PDE11A: variants seen among roughly 807,000 people sequenced by gnomAD.
The protein encoded by PDE11A is phosphodiesterase 11A.
Under a neutral mutation model 100.5 loss-of-function variants are expected in PDE11A, and 100 were observed. That is an observed-to-expected ratio of 1.00 (90% CI 0.85 to 1.18). The LOEUF is 1.18. Among genes scored for constraint, PDE11A ranks in the 50% most tolerant of loss-of-function variants. The pLI, the probability that PDE11A is intolerant of heterozygous loss-of-function variation, is 0.00. For synonymous variants in PDE11A, 381 were observed against 420.8 expected (o/e 0.91, Z 1.16); for missense variants, 1,141 against 1,152.6 (o/e 0.99, Z 0.15).
intron 13 of PDE11A, among the ~76,000 whole-genome samples, chr2:177,708,507 A>G (rs2081313021): frequency 1.3e-5 from 2 of 152,226 alleles, no homozygotes; most frequent in South Asian, 4.1e-4. Flanking sequence ...AGAGCAGAAA[A>G]GGTAACTATC....
intron 2 of PDE11A, among the ~76,000 whole-genome samples, chr2:177,916,729 T>TTTTTATTTTA (rs143421590): frequency 1.8e-4 from 27 of 149,390 alleles, no homozygotes; most frequent in South Asian, 8.5e-4. Flanking sequence ...TTGAAGGTTC[T>TTTTTATTTTA]TTTTATTTTA....
intron 1 of PDE11A, among the ~76,000 whole-genome samples, chr2:178,066,111 A>C (rs984066955): frequency 2.0e-5 from 3 of 152,144 alleles, no homozygotes; most frequent in Non-Finnish European, 2.9e-5. Flanking sequence ...CAGGTTCTAA[A>C]TGAGCAAAGA....
intron 9 of PDE11A, among the ~76,000 whole-genome samples, chr2:177,798,639 T>G (rs1319649892): frequency 1.3e-5 from 2 of 152,192 alleles, no homozygotes; most frequent in East Asian, 3.8e-4. Flanking sequence ...CTTACTGGAT[T>G]CTGGTATAAA....
chr2:177,790,935 G>A (rs571999199), intron 9 of PDE11A, among the ~76,000 whole-genome samples: 1 of 152,288 alleles, frequency 6.6e-6, no homozygotes, highest in East Asian at 1.9e-4. Context: ...TTACACTGTT[G>A]GAGAGACTGT....
chr2:177,896,303 AT>A, intron 4 of PDE11A, among the ~76,000 whole-genome samples: 1 of 152,294 alleles, frequency 6.6e-6, no homozygotes, highest in African/African-American at 2.4e-5. Context: ...CATCATCTAT[AT>A]TTTTTTGGTC....
chr2:177,910,661 T>C (rs11883602), intron 2 of PDE11A, among the ~76,000 whole-genome samples: 9,450 of 152,194 alleles, frequency 0.062, 351 homozygotes, highest in South Asian at 0.15. Context: ...CTAATTAATC[T>C]TTACAACATC....
intron 2 of PDE11A, among the ~76,000 whole-genome samples, chr2:177,945,815 CGGG>C (rs2085412529): frequency 3.0e-5 from 3 of 100,498 alleles, no homozygotes; most frequent in Non-Finnish European, 7.1e-5. Context: ...CCGTGCCATC[CGGG>C]AGGGAGGTGG....
At chr2:177,872,354 C>A (rs946760184) in intron 5 of PDE11A, among the ~76,000 whole-genome samples, 1 of 152,084 alleles carries the variant, frequency 6.6e-6, no homozygotes, top group Non-Finnish European at 1.5e-5. Context: ...AGAGGTGTTG[C>A]CAGTGATACC....
intron 4 of PDE11A, among the ~76,000 whole-genome samples, chr2:177,885,463 T>A (rs2084416333): frequency 1.3e-5 from 2 of 152,178 alleles, no homozygotes; most frequent in Admixed American, 1.3e-4. Flanking sequence ...CAACAGATAC[T>A]GAGGGATGAC....
At chr2:177,836,948 A>C (rs2105616454) in intron 6 of PDE11A, among the ~76,000 whole-genome samples, 1 of 152,290 alleles carries the variant, frequency 6.6e-6, no homozygotes, top group East Asian at 1.9e-4. Flanking sequence ...TAAGAACTGT[A>C]ACACTCACCA....
At chr2:177,834,474 G>A (rs1468309137) in intron 6 of PDE11A, among the ~76,000 whole-genome samples, 1 of 152,188 alleles carries the variant, frequency 6.6e-6, no homozygotes, top group East Asian at 1.9e-4. Context: ...TATTAGGGGT[G>A]TTTCACCCTC....
chr2:177,719,251 AT>A (rs1295826456), intron 12 of PDE11A, among the ~76,000 whole-genome samples: 1 of 152,158 alleles, frequency 6.6e-6, no homozygotes, highest in East Asian at 1.9e-4. Context: ...ATGATAAGGG[AT>A]TTCCTGATGA....
intron 13 of PDE11A, among the ~76,000 whole-genome samples, chr2:177,710,425 G>A (rs939088329): frequency 6.6e-6 from 1 of 152,182 alleles, no homozygotes; most frequent in African/African-American, 2.4e-5. Flanking sequence ...AAACTGCTAA[G>A]AGCAATGGGG....
intron 2 of PDE11A, among the ~76,000 whole-genome samples, chr2:177,945,238 C>A (rs1266908660): frequency 2.7e-5 from 4 of 150,500 alleles, no homozygotes; most frequent in Admixed American, 1.3e-4. Context: ...TGCCCGGCCG[C>A]CACCCCGTCT....
At chr2:177,926,036 C>A (rs1239194683) in intron 2 of PDE11A, among the ~76,000 whole-genome samples, 1 of 152,004 alleles carries the variant, frequency 6.6e-6, no homozygotes, top group Non-Finnish European at 1.5e-5. Flanking sequence ...AGCAAAAATT[C>A]TCTCTAAATA....
chr2:177,911,564 CA>C (rs1213713129), intron 2 of PDE11A, among the ~76,000 whole-genome samples: 1 of 152,118 alleles, frequency 6.6e-6, no homozygotes, highest in African/African-American at 2.4e-5. Flanking sequence ...CCAAAAGATA[CA>C]AATAAATATA....
At chr2:177,708,414 C>T (rs1480009122) in intron 13 of PDE11A, among the ~76,000 whole-genome samples, 2 of 152,100 alleles carry the variant, frequency 1.3e-5, no homozygotes, top group Admixed American at 6.5e-5. Flanking sequence ...TTCTCAATTA[C>T]AAGTGGGAGC....
intron 6 of PDE11A, among the ~76,000 whole-genome samples, chr2:177,838,402 G>T (rs1214411599): frequency 6.6e-6 from 1 of 152,138 alleles, no homozygotes; most frequent in East Asian, 1.9e-4. Context: ...TAATTAATTG[G>T]TTTGAAGGAA....
chr2:177,937,044 C>T (rs1483035612), intron 2 of PDE11A, among the ~76,000 whole-genome samples: 3 of 152,098 alleles, frequency 2.0e-5, no homozygotes, highest in African/African-American at 7.2e-5. Context: ...GGACTAGTTA[C>T]TATGCCCCTA....
Sources: allele counts gnomAD v4.1 joint callset (sites outside exome capture counted in the v4.1 genomes callset), GRCh38; gene constraint gnomAD v4.1.1; transcripts MANE v1.5; gene names NCBI Gene and HGNC (gene_info 2026-07-23, HGNC 2026-07-21).